Variants in KHDRBS2 observed in about 807,000 individuals in gnomAD.
KHDRBS2 encodes KH RNA binding domain containing, signal transduction associated 2.
Under a neutral mutation model 44.3 loss-of-function variants are expected in KHDRBS2, and 26 were observed. The observed-to-expected ratio is 0.59, with a 90% CI of 0.43 to 0.81. The LOEUF is 0.81. KHDRBS2 is among the 40% of genes least tolerant of loss of function. The probability of loss-of-function intolerance (pLI) is 0.00; values close to 1 mark genes in which losing one functional copy is unlikely to be tolerated. For synonymous variants in KHDRBS2, 194 were observed against 151.1 expected (o/e 1.28, Z -2.08); for missense variants, 476 against 433.1 (o/e 1.10, Z -0.88).
intron 1 of KHDRBS2, among the ~76,000 whole-genome samples, chr6:62,237,077 C>T (rs976881464): frequency 2.6e-5 from 4 of 152,170 alleles, no homozygotes; most frequent in Non-Finnish European, 4.4e-5. Flanking sequence ...CACTAAATGA[C>T]GCAAGGTGGC....
chr6:61,841,065 G>A (rs1399057275), intron 6 of KHDRBS2, among the ~76,000 whole-genome samples: 1 of 151,946 alleles, frequency 6.6e-6, no homozygotes, highest in African/African-American at 2.4e-5. Flanking sequence ...TTATAATCAA[G>A]GCATTTTAGC....
At chr6:61,583,127 C>A in the KHDRBS2 span, among the ~76,000 whole-genome samples, 1 of 151,760 alleles carries the variant, frequency 6.6e-6, no homozygotes, top group Non-Finnish European at 1.5e-5. Context: ...CTACAAAATT[C>A]TGTCATGCCC....
At chr6:61,904,246 G>A (rs563375949) in intron 4 of KHDRBS2, among the ~76,000 whole-genome samples, 2 of 152,222 alleles carry the variant, frequency 1.3e-5, no homozygotes, top group East Asian at 3.9e-4. Context: ...AGTTTGAATT[G>A]CCCATTTAAA....
chr6:61,857,603 A>C (rs1173651840), intron 6 of KHDRBS2, among the ~76,000 whole-genome samples: 1 of 126,546 alleles, frequency 7.9e-6, no homozygotes, highest in South Asian at 2.7e-4. Flanking sequence ...TTTTCATAAC[A>C]CTTTTAAGAA....
At chr6:62,055,969 C>A (rs902103077) in intron 2 of KHDRBS2, among the ~76,000 whole-genome samples, 3 of 151,962 alleles carry the variant, frequency 2.0e-5, no homozygotes, top group African/African-American at 7.2e-5. Flanking sequence ...CTCAAACTTC[C>A]AGTCTGTGAT....
At chr6:62,021,945 C>G (rs1471985169) in intron 3 of KHDRBS2, among the ~76,000 whole-genome samples, 1 of 127,372 alleles carries the variant, frequency 7.9e-6, no homozygotes, top group Non-Finnish European at 1.7e-5. Context: ...TATATACACA[C>G]TATATACATA....
At chr6:61,580,268 A>G in the KHDRBS2 span, among the ~76,000 whole-genome samples, 1 of 152,150 alleles carries the variant, frequency 6.6e-6, no homozygotes, top group African/African-American at 2.4e-5. Flanking sequence ...GACTTGGAGA[A>G]CTTTTGTGTC....
At chr6:61,696,377 T>A (rs1230956659) in intron 8 of KHDRBS2, among the ~76,000 whole-genome samples, 3 of 152,008 alleles carry the variant, frequency 2.0e-5, no homozygotes, top group Non-Finnish European at 2.9e-5. Context: ...TGCCTCAGCC[T>A]CCCGAGTAGC....
At chr6:61,980,917 G>A (rs1384683696) in intron 3 of KHDRBS2, among the ~76,000 whole-genome samples, 1 of 152,170 alleles carries the variant, frequency 6.6e-6, no homozygotes, top group Non-Finnish European at 1.5e-5. Flanking sequence ...ATAAAGAGCT[G>A]AATTCCATGT....
chr6:61,951,025 T>A (rs181666145), intron 4 of KHDRBS2, among the ~76,000 whole-genome samples: 10 of 151,990 alleles, frequency 6.6e-5, no homozygotes, highest in Admixed American at 6.6e-4. Context: ...AGGCATGAGA[T>A]GGAATGGAGA....
chr6:61,974,780 A>T (rs997801499), intron 4 of KHDRBS2, among the ~76,000 whole-genome samples: 3 of 151,656 alleles, frequency 2.0e-5, no homozygotes, highest in African/African-American at 7.3e-5. Context: ...AAAATACAAA[A>T]ATTAGCTGGG....
the KHDRBS2 span, among the ~76,000 whole-genome samples, chr6:61,654,606 G>T: frequency 6.6e-6 from 1 of 151,184 alleles, no homozygotes; most frequent in African/African-American, 2.4e-5. Context: ...GTTACAGCAA[G>T]AAATGGGTAA....
At chr6:61,787,057 A>T (rs1352694715) in intron 6 of KHDRBS2, among the ~76,000 whole-genome samples, 2 of 148,928 alleles carry the variant, frequency 1.3e-5, no homozygotes, top group Non-Finnish European at 3.0e-5. Context: ...TTATATATAA[A>T]TATGTATATT....
At chr6:61,822,229 G>A (rs181236364) in intron 6 of KHDRBS2, among the ~76,000 whole-genome samples, 3 of 152,050 alleles carry the variant, frequency 2.0e-5, no homozygotes, top group Admixed American at 2.0e-4. Flanking sequence ...CGAAAACGAA[G>A]TTCATCTTCT....
Position 61,955,668 on chromosome 6 carries a change from ATG to A in KHDRBS2, c.483+22396_483+22397del, listed in dbSNP as rs1332610669. Among the ~76,000 whole-genome samples, 6 of 148,858 alleles carry A rather than the reference ATG, an allele frequency of 4.0e-5. 1 individual carries two copies. Among genetic ancestry groups the A allele is most frequent in the Non-Finnish European group, 9.0e-5 (6 of 67,028 alleles). On this transcript the variant is annotated intron_variant, in intron 4 of 8. Coordinates refer to ENST00000281156, the MANE Select transcript of KHDRBS2 (RefSeq NM_152688.4). ...TATGTATGTATGCATATATGTGTAT[ATG>A]TACACATATGTATGTATACATATAT... is the stretch of plus-strand genomic sequence containing the variant.
At chr6:62,087,726 T>C (rs2127360504) in intron 2 of KHDRBS2, among the ~76,000 whole-genome samples, 1 of 152,288 alleles carries the variant, frequency 6.6e-6, no homozygotes, top group East Asian at 1.9e-4. Context: ...TTCCTGAATT[T>C]TAATGTTGGC....
the KHDRBS2 span, among the ~76,000 whole-genome samples, chr6:61,575,440 T>A: frequency 6.6e-6 from 1 of 152,102 alleles, no homozygotes; most frequent in African/African-American, 2.4e-5. Context: ...AGCCATAATT[T>A]AAAAATCAAA....
intron 2 of KHDRBS2, among the ~76,000 whole-genome samples, chr6:62,176,816 A>G (rs542050677): frequency 6.6e-6 from 1 of 151,466 alleles, no homozygotes; most frequent in South Asian, 2.1e-4. Context: ...CTAATGTTAC[A>G]TATTTAGTAT....
intron 2 of KHDRBS2, among the ~76,000 whole-genome samples, chr6:62,122,351 AATGTT>A (rs1452288360): frequency 6.6e-6 from 1 of 152,076 alleles, no homozygotes; most frequent in African/African-American, 2.4e-5. Flanking sequence ...ATAGAAACTG[AATGTT>A]TGACTATGGG....
Sources: gnomAD v4.1 joint callset for allele counts (sites outside exome capture counted in the v4.1 genomes callset) on GRCh38, gnomAD v4.1.1 for gene constraint, MANE v1.5 for transcripts, NCBI Gene and HGNC (gene_info 2026-07-23, HGNC 2026-07-21) for gene names.